The following AP3B1 variants were observed in gnomAD, a reference collection of about 807,000 sequenced individuals.
The protein encoded by AP3B1 is AP-3 complex subunit beta-1.
AP3B1 carries 61 observed loss-of-function variants against 132.5 expected under a neutral mutation model. That is an observed-to-expected ratio of 0.46 (90% CI 0.37 to 0.57). AP3B1 has a LOEUF of 0.57. Among genes scored for constraint, AP3B1 ranks in the 20% least tolerant of loss-of-function variants. The pLI, the probability that AP3B1 is intolerant of heterozygous loss-of-function variation, is 0.00. For missense variants in AP3B1, 1,120 were observed against 1,289.4 expected (o/e 0.87, Z 2.01); for synonymous variants, 388 against 438.3 (o/e 0.89, Z 1.43).
intron 2 of AP3B1, among the ~76,000 whole-genome samples, chr5:78,248,301 C>A (rs1174778893): frequency 1.3e-5 from 2 of 151,762 alleles, no homozygotes; most frequent in Non-Finnish European, 2.9e-5. Flanking sequence ...ACCAGCCTGG[C>A]CAATATGGTG....
At chr5:78,170,395 T>G (rs975782043) in intron 11 of AP3B1, among the ~76,000 whole-genome samples, 1 of 152,228 alleles carries the variant, frequency 6.6e-6, no homozygotes, top group African/African-American at 2.4e-5. Flanking sequence ...TGTTTCTATT[T>G]CTCCACATCC....
intron 21 of AP3B1, among the ~76,000 whole-genome samples, chr5:78,092,197 A>C (rs1750548096): frequency 6.6e-6 from 1 of 152,252 alleles, no homozygotes; most frequent in Non-Finnish European, 1.5e-5. Context: ...AAACTGAATA[A>C]GAAACAGCCT....
intron 2 of AP3B1, among the ~76,000 whole-genome samples, chr5:78,257,035 T>C (rs557998970): frequency 6.0e-4 from 92 of 152,140 alleles, no homozygotes; most frequent in African/African-American, 2.2e-3. Flanking sequence ...TAATAAAAAC[T>C]ATATATGACA....
intron 22 of AP3B1, among the ~76,000 whole-genome samples, chr5:78,081,262 C>T (rs1257428381): frequency 1.3e-5 from 2 of 150,450 alleles, no homozygotes; most frequent in East Asian, 3.9e-4. Flanking sequence ...GCAAGACGTG[C>T]AAATTCCTGC....
At chr5:78,249,579 C>CTTT (rs71301504) in intron 2 of AP3B1, among the ~76,000 whole-genome samples, 66 of 105,046 alleles carry the variant, frequency 6.3e-4, no homozygotes, top group African/African-American at 7.6e-4. Flanking sequence ...TTTTCTTTTT[C>CTTT]TTTTTTTTTT....
chr5:78,228,155 G>A lies in AP3B1; in HGVS notation c.364C>T (p.Arg122Ter), dbSNP rs776590274. The A allele has an allele frequency of 8.7e-6, 14 of 1,601,946 alleles. No homozygotes were observed. The highest frequency in any genetic ancestry group is 1.2e-5 in the Non-Finnish European group (14 of 1,175,436). The change falls in exon 4 of 27, where the codon CGA becomes TGA. Residue 122 changes from arginine (R) to a stop codon, truncating the protein, a stop_gained. Transcript: ENST00000255194. LOFTEE classifies it high-confidence loss of function. ...ACTCCATTATTTACCTTCAGAGCTC[G>A]CTGAAAAGTGCTTATGGACAGGAGT... is the stretch of plus-strand genomic sequence containing the variant. ...LALLSISTFQRALKDPNQLIR... is the reference protein window; with the variant it reads ...LALLSISTFQ
intron 21 of AP3B1, among the ~76,000 whole-genome samples, chr5:78,096,296 G>A (rs1750781187): frequency 6.6e-6 from 1 of 152,230 alleles, no homozygotes; most frequent in Non-Finnish European, 1.5e-5. Flanking sequence ...TGCAGACAGT[G>A]TCTGGTTCAC....
chr5:78,272,510 T>C (rs1166473709), intron 1 of AP3B1, among the ~76,000 whole-genome samples: 1 of 152,234 alleles, frequency 6.6e-6, no homozygotes, highest in East Asian at 1.9e-4. Context: ...GGTTCTCCAT[T>C]CGCATCTGTG....
chr5:78,219,787 T>C (rs1384636844), intron 6 of AP3B1, among the ~76,000 whole-genome samples: 1 of 152,152 alleles, frequency 6.6e-6, no homozygotes, highest in Non-Finnish European at 1.5e-5. Context: ...AAATATCCTC[T>C]AGCCTAAAAG....
intron 8 of AP3B1, among the ~76,000 whole-genome samples, chr5:78,178,226 A>C (rs908024953): frequency 6.6e-6 from 1 of 152,216 alleles, no homozygotes; most frequent in Non-Finnish European, 1.5e-5. Context: ...CAATTAAAGA[A>C]ACTCCATTAA....
intron 17 of AP3B1, among the ~76,000 whole-genome samples, chr5:78,125,998 G>T (rs891605287): frequency 2.0e-5 from 3 of 151,818 alleles, no homozygotes; most frequent in Non-Finnish European, 4.4e-5. Context: ...TTTGGTGGGT[G>T]GGGGCAGCAA....
intron 17 of AP3B1, among the ~76,000 whole-genome samples, chr5:78,119,616 G>T (rs1027042847): frequency 1.3e-5 from 2 of 152,184 alleles, no homozygotes; most frequent in Non-Finnish European, 2.9e-5. Flanking sequence ...TGAATGAAAT[G>T]AAGTGAGAAG....
At chr5:78,138,624 TA>T (rs1300135937) in intron 15 of AP3B1, among the ~76,000 whole-genome samples, 1 of 152,044 alleles carries the variant, frequency 6.6e-6, no homozygotes, top group Non-Finnish European at 1.5e-5. Context: ...AATTTGTGAT[TA>T]AAAAAAATCA....
At chr5:78,275,157 G>A (rs1748722020) in intron 1 of AP3B1, among the ~76,000 whole-genome samples, 1 of 151,988 alleles carries the variant, frequency 6.6e-6, no homozygotes, top group African/African-American at 2.4e-5. Context: ...TACCTTAAAA[G>A]GAATAACATT....
Position 78,034,464 on chromosome 5 carries a change from T to A in AP3B1, c.2810-19A>T, listed in dbSNP as rs771499250. On this transcript the variant is annotated intron_variant, in intron 23 of 26. Transcript: ENST00000255194. ...AGAGAGTCTAGGAAATAAGATAATTTAGACATGAAAACACAGAGGATGTGA... is the reference window on the plus strand; with the variant it reads ...AGAGAGTCTAGGAAATAAGATAATTAAGACATGAAAACACAGAGGATGTGA... 2 of 1,570,954 alleles carry A rather than the reference T, an allele frequency of 1.3e-6. No individual in the cohort carries two copies. Among genetic ancestry groups the A allele is most frequent in the Non-Finnish European group, 8.8e-7 (1 of 1,141,034 alleles).
intron 21 of AP3B1, among the ~76,000 whole-genome samples, chr5:78,098,403 G>A (rs1025590438): frequency 1.5e-4 from 22 of 151,054 alleles, no homozygotes; most frequent in East Asian, 5.8e-4. Flanking sequence ...TTTTTTTACC[G>A]TAGTTGCCAG....
intron 16 of AP3B1, among the ~76,000 whole-genome samples, chr5:78,128,498 AAT>A (rs903319481): frequency 2.8e-4 from 42 of 152,170 alleles, no homozygotes; most frequent in African/African-American, 9.9e-4. Context: ...CCAGAATTTT[AAT>A]AGTTTTTCTA....
At chr5:78,029,222 G>A (rs1380950642) in intron 24 of AP3B1, among the ~76,000 whole-genome samples, 2 of 151,996 alleles carry the variant, frequency 1.3e-5, no homozygotes, top group Non-Finnish European at 2.9e-5. Context: ...CCTAGTATTT[G>A]TATTGTTTTC....
chr5:78,198,208 C>T (rs777550235), intron 7 of AP3B1, among the ~76,000 whole-genome samples: 1 of 152,104 alleles, frequency 6.6e-6, no homozygotes, highest in South Asian at 2.1e-4. Flanking sequence ...AGATTTACAC[C>T]AGGATGAAAC....
Sources: gnomAD v4.1 joint callset for allele counts (sites outside exome capture counted in the v4.1 genomes callset) on GRCh38, gnomAD v4.1.1 for gene constraint, MANE v1.5 for transcripts, NCBI Gene and HGNC (gene_info 2026-07-23, HGNC 2026-07-21) for gene names.